The following AUH variants were observed in gnomAD, a reference collection of about 807,000 sequenced individuals.
AUH encodes AU RNA binding methylglutaconyl-CoA hydratase.
A neutral mutation model predicts 42.3 loss-of-function variants in AUH; 29 were observed. The observed-to-expected ratio is 0.69, with a 90% CI of 0.51 to 0.93. The LOEUF is 0.93. Ranked by LOEUF, AUH falls within the 40% of genes least tolerant of loss-of-function variation. The probability of loss-of-function intolerance (pLI) is 0.00; values close to 1 mark genes in which losing one functional copy is unlikely to be tolerated. For synonymous variants in AUH, 174 were observed against 166.4 expected (o/e 1.05, Z -0.35); for missense variants, 452 against 438.1 (o/e 1.03, Z -0.28).
At chr9:91,295,770 C>T (rs1308993748) in intron 6 of AUH, among the ~76,000 whole-genome samples, 1 of 152,174 alleles carries the variant, frequency 6.6e-6, no homozygotes, top group Admixed American at 6.5e-5. Context: ...ATAGTGTAAA[C>T]ATAACTTTTA....
At chr9:91,268,415 A>C (rs188370257) in intron 6 of AUH, among the ~76,000 whole-genome samples, 1 of 151,820 alleles carries the variant, frequency 6.6e-6, no homozygotes, top group African/African-American at 2.4e-5. Context: ...ACTGAGAAAA[A>C]CATAACACTT....
At chr9:91,233,909 G>A (rs1234744360) in intron 6 of AUH, among the ~76,000 whole-genome samples, 1 of 152,102 alleles carries the variant, frequency 6.6e-6, no homozygotes, top group Non-Finnish European at 1.5e-5. Context: ...TATTTGTCAG[G>A]GTTATTTTTA....
chr9:91,337,437 A>C (rs1057132521), intron 3 of AUH, among the ~76,000 whole-genome samples: 1 of 152,112 alleles, frequency 6.6e-6, no homozygotes, highest in Non-Finnish European at 1.5e-5. Context: ...CTACCCCCAC[A>C]TCCAGGAGTG....
chr9:91,241,338 T>A (rs1828502086), intron 6 of AUH, among the ~76,000 whole-genome samples: 1 of 152,178 alleles, frequency 6.6e-6, no homozygotes, highest in African/African-American at 2.4e-5. Context: ...CAACTATGTC[T>A]TACATGTGTT....
chr9:91,309,877 C>G (rs1179358096), intron 4 of AUH, among the ~76,000 whole-genome samples: 2 of 152,216 alleles, frequency 1.3e-5, no homozygotes, highest in Non-Finnish European at 2.9e-5. Flanking sequence ...GGTGGCCTTT[C>G]TCAATCTACC....
At chr9:91,320,092 ACAGTACCACTTTAAT>A (rs1450768492) in intron 4 of AUH, among the ~76,000 whole-genome samples, 2 of 152,182 alleles carry the variant, frequency 1.3e-5, no homozygotes, top group Non-Finnish European at 2.9e-5. Context: ...ATCACAGCTA[ACAGTACCACTTTAAT>A]CAAATCTCAT....
At chr9:91,284,132 C>T (rs927808161) in intron 6 of AUH, among the ~76,000 whole-genome samples, 3 of 151,928 alleles carry the variant, frequency 2.0e-5, no homozygotes, top group South Asian at 2.1e-4. Context: ...CCAATGGAAT[C>T]GAACAGAGCC....
intron 4 of AUH, among the ~76,000 whole-genome samples, chr9:91,310,206 T>C (rs1256455133): frequency 6.6e-6 from 1 of 152,198 alleles, no homozygotes. Context: ...GTTCATTCTA[T>C]CATTCTCAGT....
At chr9:91,359,953 C>T (rs1027420783) in intron 1 of AUH, among the ~76,000 whole-genome samples, 1 of 150,362 alleles carries the variant, frequency 6.7e-6, no homozygotes, top group Non-Finnish European at 1.5e-5. Context: ...TCAAAGGAGG[C>T]GGGGTCAACT....
chr9:91,351,703 GA>G (rs1054166592), intron 3 of AUH, among the ~76,000 whole-genome samples: 14 of 152,290 alleles, frequency 9.2e-5, no homozygotes, highest in Non-Finnish European at 2.1e-4. Context: ...AGCCGCATTA[GA>G]TTCTCATAGG....
chr9:91,320,833 T>C (rs1052485933), intron 4 of AUH, among the ~76,000 whole-genome samples: 1 of 152,246 alleles, frequency 6.6e-6, no homozygotes, highest in Non-Finnish European at 1.5e-5. Context: ...GGGTTGAGTC[T>C]ATTAAACCAA....
intron 4 of AUH, among the ~76,000 whole-genome samples, chr9:91,322,555 G>C (rs1316015566): frequency 2.0e-5 from 3 of 152,180 alleles, no homozygotes; most frequent in Non-Finnish European, 4.4e-5. Context: ...TTCTAAGAAA[G>C]TGAGAAAACA....
At chr9:91,288,056 G>A (rs1251353778) in intron 6 of AUH, among the ~76,000 whole-genome samples, 1 of 151,876 alleles carries the variant, frequency 6.6e-6, no homozygotes, top group African/African-American at 2.4e-5. Context: ...CCAGAAGCTG[G>A]GGGGAATAAA....
intron 3 of AUH, among the ~76,000 whole-genome samples, chr9:91,330,189 G>A (rs10991886): frequency 0.072 from 10,942 of 152,092 alleles, 683 homozygotes; most frequent in East Asian, 0.26. Context: ...AAAGAAATTT[G>A]AATGTGAAAT....
At chr9:91,296,762 C>A (rs560462912) in intron 5 of AUH, among the ~76,000 whole-genome samples, 1 of 152,222 alleles carries the variant, frequency 6.6e-6, no homozygotes, top group East Asian at 1.9e-4. Flanking sequence ...AAATAGGTTC[C>A]TAAAATGAAG....
At chr9:91,230,488 C>T (rs1296081594) in intron 6 of AUH, among the ~76,000 whole-genome samples, 1 of 151,916 alleles carries the variant, frequency 6.6e-6, no homozygotes, top group East Asian at 1.9e-4. Context: ...ACTTCTTTGC[C>T]TTTGGTTTGA....
chr9:91,288,905 T>C (rs1826637850), intron 6 of AUH, among the ~76,000 whole-genome samples: 1 of 152,188 alleles, frequency 6.6e-6, no homozygotes, highest in African/African-American at 2.4e-5. Flanking sequence ...TATTTTATAA[T>C]AGCATTTTTT....
At chr9:91,275,580 C>G (rs1247074977) in intron 6 of AUH, among the ~76,000 whole-genome samples, 3 of 152,168 alleles carry the variant, frequency 2.0e-5, no homozygotes, top group Non-Finnish European at 4.4e-5. Context: ...AACCACTTGA[C>G]AGAGTGAATC....
chr9:91,229,930 T>C (rs1827767387), intron 6 of AUH, among the ~76,000 whole-genome samples: 1 of 152,214 alleles, frequency 6.6e-6, no homozygotes, highest in South Asian at 2.1e-4. Flanking sequence ...GATTCGCTGT[T>C]AAGTCTGATG....
Sources: gnomAD v4.1 joint callset for allele counts (sites outside exome capture counted in the v4.1 genomes callset) on GRCh38, gnomAD v4.1.1 for gene constraint, MANE v1.5 for transcripts, NCBI Gene and HGNC (gene_info 2026-07-23, HGNC 2026-07-21) for gene names.